Variants in WDR64 observed in about 807,000 individuals in gnomAD.
WDR64 encodes the protein WD repeat-containing protein 64.
In WDR64, 112 loss-of-function variants were observed where a neutral mutation model predicts 139.3. The observed-to-expected ratio is 0.80, with a 90% CI of 0.69 to 0.94. The LOEUF (loss-of-function observed/expected upper bound fraction) is 0.94, where lower values mean the gene tolerates loss of function less well. Among genes scored for constraint, WDR64 ranks in the 40% least tolerant of loss-of-function variants. The pLI is 0.00. For missense variants in WDR64, 1,206 were observed against 1,293.1 expected, an observed-to-expected ratio of 0.93 and a Z score of 1.03; for synonymous variants, 444 against 437.7, an observed-to-expected ratio of 1.01 and a Z score of -0.18.
rs147757348 is a variant in WDR64, at chr1:241,753,040, T to G, written c.1770+3318T>G. 2.5e-3 allele frequency among the ~76,000 whole-genome samples: 377 copies of G among 152,330 alleles called. 1 individual carries two copies. The highest frequency in any genetic ancestry group is 3.9e-3 in the Non-Finnish European group (263 of 68,034). On this transcript the variant is annotated intron_variant, in intron 14 of 27. Coordinates refer to ENST00000437684, the MANE Select transcript of WDR64 (RefSeq NM_001367482.1). ...AATCCACCAGTACGTAGGAGTACTA[T>G]GGGCCCATACTTTTAAATTAACATG...
chr1:241,653,543 C>CTTT (rs33934176), intron 1 of WDR64, among the ~76,000 whole-genome samples: 8 of 137,116 alleles, frequency 5.8e-5, no homozygotes, highest in East Asian at 4.1e-4. Context: ...CTTTTCTTTT[C>CTTT]TTTTTTTTTT....
chr1:241,737,219 G>A lies in WDR64; in HGVS notation c.1195-1144G>A, dbSNP rs1033436014. Among the ~76,000 whole-genome samples the A allele has an allele frequency of 4.6e-5, 7 of 152,214 alleles. No individual in the cohort carries two copies. In the East Asian group the frequency reaches 1.3e-3, roughly 29 times the overall value. ...AAGAAAATAAATTTCAATGGTACAA[G>A]TTCTGATAATACTAGCCTACAGAGG... On this transcript the variant is annotated intron_variant, in intron 10 of 27. Coordinates refer to ENST00000437684, the MANE Select transcript of WDR64 (RefSeq NM_001367482.1).
rs1409892769 is a variant in WDR64, at chr1:241,656,463, A to G, written c.145+3834A>G. 6.6e-6 allele frequency among the ~76,000 whole-genome samples: 1 copy of G among 152,216 alleles called. No homozygotes were observed. On this transcript the variant is annotated intron_variant, in intron 1 of 27. Transcript: ENST00000437684. The surrounding 1 kb of genome is among the most constrained non-coding windows in gnomAD (Gnocchi z 4.3). Reference sequence around the variant, plus strand: ...TCCAGTGATATTTACAATGAAACTCATATCTTGTAGCAGTTGGTGTAAATA... The same window carrying G: ...TCCAGTGATATTTACAATGAAACTCGTATCTTGTAGCAGTTGGTGTAAATA...
At chr1:241,767,246 A>G (rs1658214749) in intron 16 of WDR64, among the ~76,000 whole-genome samples, 1 of 152,134 alleles carries the variant, frequency 6.6e-6, no homozygotes, top group Admixed American at 6.5e-5. Flanking sequence ...ACAAGGGCCA[A>G]TGTTGTAGAT....
chr1:241,713,436 G>T (rs1668269212), intron 9 of WDR64, among the ~76,000 whole-genome samples: 1 of 143,580 alleles, frequency 7.0e-6, no homozygotes. Context: ...AGGAAGGAAG[G>T]GAAGGAAAGA....
chr1:241,790,889 A>C (rs10802993), intron 25 of WDR64, among the ~76,000 whole-genome samples, 193 bp downstream of exon 25: 69,431 of 151,938 alleles, frequency 0.46, 16,445 homozygotes, highest in Middle Eastern at 0.66. Flanking sequence ...AAAGTTCTAC[A>C]TGGGGGCTAT....
chr1:241,770,032 C>T lies in WDR64; in HGVS notation c.2183+527C>T, dbSNP rs559897864. Among the ~76,000 whole-genome samples, 11 of 152,260 alleles carry T rather than the reference C, an allele frequency of 7.2e-5. No homozygotes were observed. In the South Asian group the frequency reaches 2.1e-3, roughly 29 times the overall value. ...CTGGTTTGCAGGCAATAGATAATGCCACACATAGCTTTGGAGAGAAATCAG... is the reference window on the plus strand; with the variant it reads ...CTGGTTTGCAGGCAATAGATAATGCTACACATAGCTTTGGAGAGAAATCAG... On this transcript the variant is annotated intron_variant, in intron 17 of 27. Transcript: ENST00000437684.
At chr1:241,796,487 T>C (rs891062028) in intron 27 of WDR64, 117 bp downstream of exon 27, 36 of 730,698 alleles carry the variant, frequency 4.9e-5, no homozygotes, top group Non-Finnish European at 7.2e-5. Context: ...TCATTTCAGT[T>C]CATACTTTTT....
rs373414526 is a variant in WDR64 at position 241,757,347 on chromosome 1, A to C, written c.1835A>C (p.Gln612Pro). 13 of 1,613,958 alleles carry C rather than the reference A, an allele frequency of 8.1e-6. No individual in the cohort carries two copies. The highest frequency in any genetic ancestry group is 3.3e-4 in the Middle Eastern group (2 of 6,084). Residue 612 changes from glutamine to proline, a missense_variant, in exon 15 of 28, where the codon CAA (glutamine) becomes CCA (proline). Gln to Pro is a moderately conservative substitution (Grantham distance 76, BLOSUM62 -1). Coordinates refer to ENST00000437684, the MANE Select transcript of WDR64 (RefSeq NM_001367482.1). ...WELPDVVPFL[Q>P]DGKHAVHLRM... ...CTGCCTGATGTTGTGCCTTTCCTAC[A>C]AGATGGGAAACATGCTGTGCATCTG...
At position 241,769,459 on chromosome 1, in the gene WDR64, A is replaced by C; in HGVS notation, c.2137A>C (p.Lys713Gln). The change falls in exon 17 of 28, where the codon AAA becomes CAA. Residue 713 changes from lysine to glutamine, a missense_variant. Coordinates refer to ENST00000437684, the MANE Select transcript of WDR64 (RefSeq NM_001367482.1). ...VNPDLHPKHF[K>Q]INDILFLFRT... Reference sequence around the variant, plus strand: ...CCCTGACTTGCATCCCAAGCACTTTAAAATTAATGACATACTGTTCCTCTT... The same window carrying C: ...CCCTGACTTGCATCCCAAGCACTTTCAAATTAATGACATACTGTTCCTCTT... The C allele has an allele frequency of 6.4e-7, 1 of 1,551,570 alleles. No homozygotes were observed. Among genetic ancestry groups the C allele is most frequent in the East Asian group, 2.4e-5 (1 of 40,922 alleles).
At chr1:241,705,473 C>A (rs1308318265) in intron 8 of WDR64, among the ~76,000 whole-genome samples, 1 of 150,852 alleles carries the variant, frequency 6.6e-6, no homozygotes, top group African/African-American at 2.4e-5. Context: ...ACCCGGGAGG[C>A]GGAGCTTGCA....
At chr1:241,756,746 T>C (rs1320570119) in intron 14 of WDR64, among the ~76,000 whole-genome samples, 1 of 152,192 alleles carries the variant, frequency 6.6e-6, no homozygotes, top group East Asian at 1.9e-4. Flanking sequence ...TAGGTCATTT[T>C]ACCCCAGATA....
intron 21 of WDR64, among the ~76,000 whole-genome samples, chr1:241,777,775 C>A (rs565289081): frequency 1.3e-5 from 2 of 152,198 alleles, no homozygotes; most frequent in South Asian, 4.2e-4. Context: ...TTCTTTGACC[C>A]AAAGAATTTA....
chr1:241,696,209 G>GTTCT (rs916095761), intron 8 of WDR64, among the ~76,000 whole-genome samples: 7 of 132,970 alleles, frequency 5.3e-5, no homozygotes, highest in African/African-American at 2.0e-4. Context: ...TTCAGAAAAA[G>GTTCT]TTCTCTTCAG....
Position 241,679,563 on chromosome 1 carries a change from G to A in WDR64, c.592G>A (p.Val198Ile), listed in dbSNP as rs1490559690. 2.5e-5 allele frequency: 39 copies of A among 1,551,674 alleles called. No homozygotes were observed. Among genetic ancestry groups the A allele is most frequent in the Non-Finnish European group, 3.1e-5 (36 of 1,146,934 alleles). ...IVATTERTII[V>I]WDYKAQGSSQ... Reference sequence around the variant, plus strand: ...AGCCACAACCGAAAGGACCATTATTGTCTGGGATTATAAAGCTCAAGGGAG... The same window carrying A: ...AGCCACAACCGAAAGGACCATTATTATCTGGGATTATAAAGCTCAAGGGAG... Residue 198 changes from valine (V) to isoleucine (I), a missense_variant, in exon 6 of 28, where the codon GTC becomes ATC. By Grantham distance (29) the Val-to-Ile change is conservative. Transcript: ENST00000437684.
At chr1:241,717,043 A>G (rs1668431530) in intron 9 of WDR64, among the ~76,000 whole-genome samples, 1 of 152,200 alleles carries the variant, frequency 6.6e-6, no homozygotes, top group South Asian at 2.1e-4. Flanking sequence ...TGTCCCACCA[A>G]CATGATGTAA....
chr1:241,686,921 T>C (rs1667025472), intron 7 of WDR64, among the ~76,000 whole-genome samples: 1 of 152,224 alleles, frequency 6.6e-6, no homozygotes, highest in South Asian at 2.1e-4. Flanking sequence ...TTCTTCTAGA[T>C]TGTTCTTTTA....
chr1:241,674,966 CTTT>C (rs1442762735), intron 4 of WDR64, among the ~76,000 whole-genome samples: 1 of 29,892 alleles, frequency 3.3e-5, no homozygotes, highest in Non-Finnish European at 8.5e-5. Flanking sequence ...CTCCTCCCTT[CTTT>C]TTCTTTCCTT....
chr1:241,654,612 C>G (rs991886360), intron 1 of WDR64, among the ~76,000 whole-genome samples: 3 of 152,136 alleles, frequency 2.0e-5, no homozygotes, highest in Non-Finnish European at 4.4e-5. Context: ...TGTGTTCTCT[C>G]TCAGTCTTAG....
Sources: gnomAD v4.1 joint callset for allele counts (sites outside exome capture counted in the v4.1 genomes callset) on GRCh38, gnomAD v4.1.1 for gene constraint, Gnocchi (gnomAD v3.1) non-coding constraint, MANE v1.5 for transcripts, NCBI Gene and HGNC (gene_info 2026-07-23, HGNC 2026-07-21) for gene names.